NKX6-3: variants seen among roughly 807,000 people sequenced by gnomAD.
NKX6-3 encodes the protein NK6 homeobox 3, also known as homeobox protein Nkx-6.3.
NKX6-3 carries 17 observed loss-of-function variants against 22.0 expected under a neutral mutation model. The observed-to-expected ratio is 0.77, with a 90% CI of 0.53 to 1.16. The LOEUF (loss-of-function observed/expected upper bound fraction) is 1.16, where lower values mean the gene tolerates loss of function less well. Among genes scored for constraint, NKX6-3 ranks in the 50% most tolerant of loss-of-function variants. The pLI is 0.00. For missense variants in NKX6-3, 363 were observed against 359.0 expected (o/e 1.01, Z -0.09); for synonymous variants, 177 against 167.2 (o/e 1.06, Z -0.45).
chr8:41,648,126 CA>C lies in NKX6-3; in HGVS notation c.491del (p.Leu164TrpfsTer15). 1 of 1,537,890 alleles carries C rather than the reference CA, an allele frequency of 6.5e-7. No individual in the cohort carries two copies. On this transcript the variant is annotated frameshift_variant, in exon 2 of 3. Coordinates refer to ENST00000518699, the MANE Select transcript of NKX6-3 (RefSeq NM_001364841.2). LOFTEE classifies it high-confidence loss of function. Reference protein sequence around the residue: ...LEKTFEQTKYLAGPERARLAY... With the variant: ...LEKTFEQTKYXAGPERARLAY... The stretch of plus-strand genomic sequence containing the variant: ...CCAGCCGTGCCCTCTCGGGGCCAGC[CA>C]AGTACTTGGTCTGCTCAAAGGTTTT...
At chr8:41,649,222 G>A (rs1278328501) in intron 1 of NKX6-3, among the ~76,000 whole-genome samples, 1 of 152,194 alleles carries the variant, frequency 6.6e-6, no homozygotes, top group Non-Finnish European at 1.5e-5. Flanking sequence ...GACCGGCAAG[G>A]CAGAGTAGCA....
chr8:41,648,003 A>G, intron 2 of NKX6-3, 63 bp downstream of exon 2: 1 of 1,417,878 alleles, frequency 7.1e-7, no homozygotes. Context: ...TCTCCAACGC[A>G]GTGGCCTCCT....
intron 1 of NKX6-3, among the ~76,000 whole-genome samples, chr8:41,649,801 C>T (rs1042695738): frequency 4.6e-5 from 7 of 152,226 alleles, no homozygotes; most frequent in Middle Eastern, 6.8e-3. Flanking sequence ...GCCTACTGGA[C>T]CTCGTGCAGG....
At chr8:41,649,109 C>T (rs1804264786) in intron 1 of NKX6-3, among the ~76,000 whole-genome samples, 1 of 152,138 alleles carries the variant, frequency 6.6e-6, no homozygotes, top group Non-Finnish European at 1.5e-5. Flanking sequence ...GCTTAAAGCA[C>T]CCCTGAAGCC....
chr8:41,648,285 C>A (rs564591770), intron 1 of NKX6-3, 50 bp from the exon 2 acceptor site: 8 of 1,468,446 alleles, frequency 5.4e-6, no homozygotes, highest in Middle Eastern at 1.8e-4. Context: ...GGGGACCCTG[C>A]GGCTAGGCAC....
Position 41,646,261 on chromosome 8 carries a change from CTTTT to C in NKX6-3, c.*184_*187del. The C allele has an allele frequency of 1.3e-6, 1 of 757,590 alleles. No homozygotes were observed. Among genetic ancestry groups the C allele is most frequent in the Non-Finnish European group, 2.1e-6 (1 of 480,230 alleles). The allele number at this position is 757,590 out of a possible 1,614,324, so 46.9% of individuals were successfully genotyped here. ...CTAGGATGCCTGTCCCCTTTCCCTC[CTTTT>C]CCTCCTCCTCCCCCGCCTCCCCTCC... On this transcript the variant is annotated 3_prime_UTR_variant, in exon 3 of 3. Coordinates refer to ENST00000518699, the MANE Select transcript of NKX6-3 (RefSeq NM_001364841.2).
In NKX6-3 at chr8:41,650,781, T is replaced by G; in HGVS notation, c.-289A>C. On this transcript the variant is annotated 5_prime_UTR_variant, in exon 1 of 3. Transcript: ENST00000518699. ...TAAGCCTCAGCTCAGACCCCCTTTC[T>G]GCCTCTGAGTCGGGGGACCCTCCAT... 2.8e-6 allele frequency: 1 copy of G among 359,388 alleles called. No homozygotes were observed. The highest frequency in any genetic ancestry group is 5.1e-6 in the Non-Finnish European group (1 of 196,778). 22.3% of individuals were successfully genotyped at this position (359,388 alleles called of 1,614,324 possible). A position where few individuals can be genotyped will look rare whatever the true frequency, so the allele number is the denominator to read the frequency against.
chr8:41,650,657 C>G lies in NKX6-3; in HGVS notation c.-165G>C. 3 of 671,436 alleles carry G rather than the reference C, an allele frequency of 4.5e-6. No individual in the cohort carries two copies. The South Asian group carries it at 5.8e-5, about 13-fold the overall frequency. The allele number at this position is 671,436 out of a possible 1,614,324, so 41.6% of individuals were successfully genotyped here. ...CCAGGCCCTGGCCCAGGAACCGGCA[C>G]CCGATCAGCTGCTCGGAAGTCAGGT... On this transcript the variant is annotated 5_prime_UTR_variant, in exon 1 of 3. Coordinates refer to ENST00000518699, the MANE Select transcript of NKX6-3 (RefSeq NM_001364841.2).
rs1804298806 is a variant in NKX6-3, at chr8:41,650,548, ACT to A, written c.-58_-57del. On this transcript the variant is annotated 5_prime_UTR_variant, in exon 1 of 3. The change abolishes the stop of an existing upstream ORF in the 5' untranslated region. Transcript: ENST00000518699. ...CCAGGCCCCTAAAACCCAAGAGCCC[ACT>A]CTCTAGCCCCAAATCTCATGGCAGG... The A allele has an allele frequency of 2.0e-6, 3 of 1,501,578 alleles. No homozygotes were observed. Among genetic ancestry groups the A allele is most frequent in the Middle Eastern group, 2.0e-4 (1 of 4,916 alleles). 93.0% of individuals were successfully genotyped at this position (1,501,578 alleles called of 1,614,324 possible).
At chr8:41,648,834 G>A (rs1489331133) in intron 1 of NKX6-3, among the ~76,000 whole-genome samples, 3 of 152,250 alleles carry the variant, frequency 2.0e-5, no homozygotes, top group African/African-American at 7.2e-5. Context: ...GCAGGCTCGG[G>A]AAGGAGCTGT....
Position 41,646,109 on chromosome 8 carries a change from T to G in NKX6-3, c.*340A>C. Reference sequence around the variant, plus strand: ...CCAGTTTCTTGGCTGCAGAGCCTGGTCATTTTAGTCCTCTGTCCACTTGTG... The same window carrying G: ...CCAGTTTCTTGGCTGCAGAGCCTGGGCATTTTAGTCCTCTGTCCACTTGTG... On this transcript the variant is annotated 3_prime_UTR_variant, in exon 3 of 3. Transcript: ENST00000518699. 2.9e-6 allele frequency: 1 copy of G among 341,548 alleles called. No homozygotes were observed. Among genetic ancestry groups the G allele is most frequent in the Non-Finnish European group, 5.3e-6 (1 of 188,150 alleles). The allele number at this position is 341,548 out of a possible 1,614,324, so 21.2% of individuals were successfully genotyped here.
In NKX6-3 at chr8:41,646,147, TGGCA is replaced by T; in HGVS notation, c.*298_*301del. 2 of 506,676 alleles carry T rather than the reference TGGCA, an allele frequency of 3.9e-6. No individual in the cohort carries two copies. Among genetic ancestry groups the T allele is most frequent in the Non-Finnish European group, 7.0e-6 (2 of 286,976 alleles). The allele number at this position is 506,676 out of a possible 1,614,324, so 31.4% of individuals were successfully genotyped here. ...CTGTCCACTTGTGAATCTGCAGAAC[TGGCA>T]GGCGAGGCCCGAGGAGGTGCAAGGG... On this transcript the variant is annotated 3_prime_UTR_variant, in exon 3 of 3. Transcript: ENST00000518699.
At position 41,650,557 on chromosome 8, in the gene NKX6-3, C is replaced by T; in HGVS notation, c.-65G>A. The T allele has an allele frequency of 2.7e-6, 4 of 1,468,768 alleles. No individual in the cohort carries two copies. Among genetic ancestry groups the T allele is most frequent in the Non-Finnish European group, 3.6e-6 (4 of 1,100,794 alleles). The allele number at this position is 1,468,768 out of a possible 1,614,324, so 91.0% of individuals were successfully genotyped here. ...TAAAACCCAAGAGCCCACTCTCTAG[C>T]CCCAAATCTCATGGCAGGCCTGGAG... On this transcript the variant is annotated 5_prime_UTR_variant, in exon 1 of 3. Transcript: ENST00000518699.
At chr8:41,646,806 C>T (rs1351483778) in intron 2 of NKX6-3, 112 bp from the exon 3 acceptor site, 2 of 1,406,138 alleles carry the variant, frequency 1.4e-6, no homozygotes, top group Non-Finnish European at 1.9e-6. Context: ...GTGACTGTCA[C>T]ATTCACGTTT....
chr8:41,648,081 G>A lies in NKX6-3; in HGVS notation c.537C>T (p.Thr179=), dbSNP rs568991003. 1.7e-4 allele frequency: 267 copies of A among 1,534,522 alleles called. No homozygotes were observed. The African/African-American group carries it at 3.2e-3, about 18-fold the overall frequency. The change falls in exon 2 of 3, where the codon ACC becomes ACT. Residue 179 remains threonine (T), a synonymous_variant. Transcript: ENST00000518699. ...ACAGACTTACCTTGACCTGCGACTC[G>A]GTCATGCCCAGTGAGTATGCCAGCC... ...RARLAYSLGM[T]ESQVKVWFQN... is the part of the protein sequence containing the mutation.
rs529890740 is a variant in NKX6-3 at position 41,650,340 on chromosome 8, G to T, written c.153C>A (p.Thr51=). The T allele has an allele frequency of 6.5e-7, 1 of 1,534,854 alleles. No individual in the cohort carries two copies. The highest frequency in any genetic ancestry group is 2.4e-5 in the East Asian group (1 of 40,894). ...TCAGGATGTCCGTGATCCCGTGGGGGGTTCCGGCGGCCAGCTGGGGGCCCA... is the reference window on the plus strand; with the variant it reads ...TCAGGATGTCCGTGATCCCGTGGGGTGTTCCGGCGGCCAGCTGGGGGCCCA... ...PGLGPQLAAG[T]PHGITDILSR... Residue 51 remains threonine, a synonymous_variant, in exon 1 of 3, where the codon ACC becomes ACA. Coordinates refer to ENST00000518699, the MANE Select transcript of NKX6-3 (RefSeq NM_001364841.2).
At chr8:41,649,303 G>A (rs557047722) in intron 1 of NKX6-3, among the ~76,000 whole-genome samples, 143 of 152,262 alleles carry the variant, frequency 9.4e-4, no homozygotes, top group African/African-American at 3.3e-3. Context: ...AGGAGAGCCC[G>A]GAGATCAGAC....
intron 2 of NKX6-3, chr8:41,647,153 A>C: frequency 6.2e-7 from 1 of 1,602,134 alleles, no homozygotes. Flanking sequence ...AAAGTAACGT[A>C]GGTCCATTGC....
In NKX6-3 at chr8:41,646,488, GGCGCGGTGCTTGCGC is replaced by G; in HGVS notation, c.744_758del (p.Arg249_Ala253del). 1 of 1,609,074 alleles carries G rather than the reference GGCGCGGTGCTTGCGC, an allele frequency of 6.2e-7. No homozygotes were observed. The highest frequency in any genetic ancestry group is 2.2e-5 in the East Asian group (1 of 44,680). ...CTCCCAGGCTGAGCACCGAGAAGGCGGCGCGGTGCTTGCGCAGCAGCAGGCGGATCTTCTCGTCGT... is the reference window on the plus strand; with the variant it reads ...CTCCCAGGCTGAGCACCGAGAAGGCGAGCAGCAGGCGGATCTTCTCGTCGT... On this transcript the variant is annotated inframe_deletion, in exon 3 of 3. Coordinates refer to ENST00000518699, the MANE Select transcript of NKX6-3 (RefSeq NM_001364841.2).
Sources: gnomAD v4.1 joint callset for allele counts (sites outside exome capture counted in the v4.1 genomes callset) on GRCh38, gnomAD v4.1.1 for gene constraint, MANE v1.5 for transcripts, NCBI Gene and HGNC (gene_info 2026-07-23, HGNC 2026-07-21) for gene names.